COL1A1: variants seen among roughly 807,000 people sequenced by gnomAD.
COL1A1 encodes collagen alpha-1(I) chain.
Under a neutral mutation model 195.7 loss-of-function variants are expected in COL1A1, and 21 were observed. That is an observed-to-expected ratio of 0.11 (90% confidence interval 0.08 to 0.15). COL1A1 has a LOEUF of 0.15. Among genes scored for constraint, COL1A1 ranks in the 10% least tolerant of loss-of-function variants. The probability of loss-of-function intolerance (pLI) is 1.00; values close to 1 mark genes in which losing one functional copy is unlikely to be tolerated. For missense variants in COL1A1, 1,365 were observed against 2,051.0 expected, an observed-to-expected ratio of 0.67 and a Z score of 6.46; for synonymous variants, 749 against 747.3, an observed-to-expected ratio of 1.00 and a Z score of -0.04.
In COL1A1 at chr17:50,188,617, G is replaced by T. The variant is rs776659807; in HGVS notation, c.3120C>A (p.Gly1040=). 3 of 1,613,056 alleles carry T rather than the reference G, an allele frequency of 1.9e-6. No individual in the cohort carries two copies. Among genetic ancestry groups the T allele is most frequent in the Non-Finnish European group, 2.5e-6 (3 of 1,179,718 alleles). The change falls in exon 43 of 51, where the codon GGC becomes GGA. Residue 1040 remains glycine (G), a synonymous_variant. Coordinates refer to ENST00000225964, the MANE Select transcript of COL1A1 (RefSeq NM_000088.4). The surrounding 1 kb of genome is among the most constrained non-coding windows in gnomAD (Gnocchi z 5.6). ...CAGGAGCACCAGGGGGTCCAGCGGG[G>T]CCGGTCTCACCACGGTCACCCTGGC... ...PGAKGDRGET[G]PAGPPGAPGA...
At position 50,186,914 on chromosome 17, in the gene COL1A1, G is replaced by A. The variant is rs146016027; in HGVS notation, c.3540C>T (p.Pro1180=). Residue 1180 remains proline, a synonymous_variant, in exon 48 of 51, where the codon CCC becomes CCT. Transcript: ENST00000225964. This position sits in a 1 kb window ranked among gnomAD's most constrained non-coding sequence, Gnocchi z 5.3. ...RTGDAGPVGP[P]GPPGPPGPPG... is the part of the protein sequence containing the mutation. ...GGGGACCAGGAGGTCCAGGAGGGCC[G>A]GGGGGACCCTGCACAGAGAGGGAAG... 28 of 1,612,918 alleles carry A rather than the reference G, an allele frequency of 1.7e-5. No homozygotes were observed. Among genetic ancestry groups the A allele is most frequent in the African/African-American group, 1.1e-4 (8 of 74,836 alleles).
At position 50,190,257 on chromosome 17, in the gene COL1A1, T is replaced by C; in HGVS notation, c.2451+70A>G. ...CCCCTGAGGATGGCTGACGCCTTTG[T>C]CCTCATTCCGTCCCTCGAGGTCCCA... On this transcript the variant is annotated intron_variant, in intron 35 of 50. Coordinates refer to ENST00000225964, the MANE Select transcript of COL1A1 (RefSeq NM_000088.4). This position sits in a 1 kb window ranked among gnomAD's most constrained non-coding sequence, Gnocchi z 4.7. 1 of 1,324,600 alleles carries C rather than the reference T, an allele frequency of 7.5e-7. No individual in the cohort carries two copies. 82.1% of individuals were successfully genotyped at this position (1,324,600 alleles called of 1,614,324 possible). A position where few individuals can be genotyped will look rare whatever the true frequency, so the allele number is the denominator to read the frequency against.
rs1355988817 is a variant in COL1A1, at chr17:50,189,958, C to G, written c.2559+43G>C. The G allele has an allele frequency of 6.2e-7, 1 of 1,611,048 alleles. No homozygotes were observed. Among genetic ancestry groups the G allele is most frequent in the Admixed American group, 1.7e-5 (1 of 59,634 alleles). ...ATCAAGCCTGGACCCGTCCTGGGTC[C>G]CAGCCCACCAGCCTCGTGGGCACAG... On this transcript the variant is annotated intron_variant, in intron 36 of 50. Coordinates refer to ENST00000225964, the MANE Select transcript of COL1A1 (RefSeq NM_000088.4). The surrounding 1 kb of genome is among the most constrained non-coding windows in gnomAD (Gnocchi z 5.5).
chr17:50,194,572 C>T lies in COL1A1; in HGVS notation c.1515+1G>A, dbSNP rs1357098859. On this transcript the variant is annotated splice_donor_variant, in intron 22 of 50. Transcript: ENST00000225964. LOFTEE classifies it high-confidence loss of function. The surrounding 1 kb of genome is among the most constrained non-coding windows in gnomAD (Gnocchi z 6.8). ...GCCCCCCGGCCGCAAGGAGAGGTTA[C>T]CTTGGGACCAGCAACACCATCTGCG... 6.3e-7 allele frequency: 1 copy of T among 1,589,402 alleles called. No homozygotes were observed. Among genetic ancestry groups the T allele is most frequent in the Non-Finnish European group, 8.6e-7 (1 of 1,167,888 alleles).
In COL1A1 at chr17:50,195,498, G is replaced by A; in HGVS notation, c.1156-20C>T. ...GTTTCCCTGTGGCACAGAGAAAGGA[G>A]TGTCAGCAACAGGCAAGGACTCTGA... On this transcript the variant is annotated intron_variant, in intron 17 of 50. Coordinates refer to ENST00000225964, the MANE Select transcript of COL1A1 (RefSeq NM_000088.4). The surrounding 1 kb of genome is among the most constrained non-coding windows in gnomAD (Gnocchi z 4.3). 1 of 1,614,134 alleles carries A rather than the reference G, an allele frequency of 6.2e-7. No homozygotes were observed. Among genetic ancestry groups the A allele is most frequent in the Non-Finnish European group, 8.5e-7 (1 of 1,179,994 alleles).
Position 50,186,426 on chromosome 17 carries a change from C to T in COL1A1, c.3896G>A (p.Cys1299Tyr). 1 of 1,614,204 alleles carries T rather than the reference C, an allele frequency of 6.2e-7. No individual in the cohort carries two copies. The highest frequency in any genetic ancestry group is 2.2e-5 in the East Asian group (1 of 44,878). ...CACACTGGGCTGAGTGGGGTACACG[C>T]AGGTCTCACCAGTCTCCATGTTGCA... Reference protein sequence around the residue: ...VFCNMETGETCVYPTQPSVAQ... With the variant: ...VFCNMETGETYVYPTQPSVAQ... Residue 1299 changes from cysteine to tyrosine, a missense_variant, in exon 49 of 51, where the codon TGC becomes TAC. Physicochemically the swap from Cys to Tyr is radical, Grantham distance 194. Transcript: ENST00000225964. The surrounding 1 kb of genome is among the most constrained non-coding windows in gnomAD (Gnocchi z 5.3).
intron 5 of COL1A1, 79 bp from the exon 6 acceptor site, chr17:50,198,583 C>T (rs1420065907): frequency 1.8e-6 from 2 of 1,099,632 alleles, no homozygotes; most frequent in Non-Finnish European, 2.7e-6. Flanking sequence ...AAGAAACTGA[C>T]ATCATGCACT....
intron 45 of COL1A1, 114 bp from the exon 46 acceptor site, chr17:50,187,651 G>GA (rs1355907279): frequency 8.3e-7 from 1 of 1,208,550 alleles, no homozygotes; most frequent in East Asian, 2.4e-5. Context: ...CATTATTCTG[G>GA]AAATCTAGCC....
chr17:50,190,801 G>A lies in COL1A1; in HGVS notation c.2343+16C>T. The A allele has an allele frequency of 6.2e-7, 1 of 1,601,914 alleles. No individual in the cohort carries two copies. The highest frequency in any genetic ancestry group is 1.1e-5 in the South Asian group (1 of 90,824). On this transcript the variant is annotated intron_variant, in intron 33 of 50. Transcript: ENST00000225964. The surrounding 1 kb of genome is among the most constrained non-coding windows in gnomAD (Gnocchi z 4.7). ...GCTATGTGTTAGGGCAGAAGGTGGGGAGGCGGCCACCTCACCTTGTCACCA... is the reference window on the plus strand; with the variant it reads ...GCTATGTGTTAGGGCAGAAGGTGGGAAGGCGGCCACCTCACCTTGTCACCA...
chr17:50,194,992 G>A lies in COL1A1; in HGVS notation c.1353+55C>T, dbSNP rs1598296455. The A allele has an allele frequency of 7.6e-6, 12 of 1,578,012 alleles. No homozygotes were observed. The East Asian group carries it at 2.0e-4, about 26-fold the overall frequency. ...CTCTTCCTTTCTGGATTTCCCTCAGGGGGCTCCTAGGGCAGGGTGGGCTGG... is the reference window on the plus strand; with the variant it reads ...CTCTTCCTTTCTGGATTTCCCTCAGAGGGCTCCTAGGGCAGGGTGGGCTGG... On this transcript the variant is annotated intron_variant, in intron 20 of 50. Coordinates refer to ENST00000225964, the MANE Select transcript of COL1A1 (RefSeq NM_000088.4). This position sits in a 1 kb window ranked among gnomAD's most constrained non-coding sequence, Gnocchi z 6.8.
chr17:50,194,821 A>T lies in COL1A1; in HGVS notation c.1361T>A (p.Val454Asp). 2 of 1,569,086 alleles carry T rather than the reference A, an allele frequency of 1.3e-6. No individual in the cohort carries two copies. The highest frequency in any genetic ancestry group is 1.7e-6 in the Non-Finnish European group (2 of 1,156,568). ...DTGAKGEPGP[V>D]GVQGPPGPAG... ...AGGGCCAGGGGGTCCTTGAACACCA[A>T]CAGGGCCCTGGAGAGGGCCGAGAGG... The change falls in exon 21 of 51, where the codon GTT becomes GAT. Residue 454 changes from valine to aspartate, a missense_variant. Val to Asp is a radical substitution (Grantham distance 152). This residue lies in a region of COL1A1 where 671 missense variants were observed against 1,099.9 expected (regional missense o/e 0.61). Coordinates refer to ENST00000225964, the MANE Select transcript of COL1A1 (RefSeq NM_000088.4). The surrounding 1 kb of genome is among the most constrained non-coding windows in gnomAD (Gnocchi z 6.8).
At position 50,189,323 on chromosome 17, in the gene COL1A1, C is replaced by T. The variant is rs768261337; in HGVS notation, c.2830-48G>A. 8 of 1,613,712 alleles carry T rather than the reference C, an allele frequency of 5.0e-6. No homozygotes were observed. The highest frequency in any genetic ancestry group is 6.8e-6 in the Non-Finnish European group (8 of 1,179,850). On this transcript the variant is annotated intron_variant, in intron 39 of 50. Coordinates refer to ENST00000225964, the MANE Select transcript of COL1A1 (RefSeq NM_000088.4). The surrounding 1 kb of genome is among the most constrained non-coding windows in gnomAD (Gnocchi z 5.5). ...AGGTGCCAGAGAGCAGCACAGGGAC[C>T]CCTCCCCAGCTCTGCACACCTCCGG...
chr17:50,185,383 T>G lies in COL1A1; in HGVS notation c.*119A>C. The G allele has an allele frequency of 2.7e-6, 3 of 1,104,396 alleles. No homozygotes were observed. Among genetic ancestry groups the G allele is most frequent in the South Asian group, 1.3e-5 (1 of 78,918 alleles). The allele number at this position is 1,104,396 out of a possible 1,614,324, so 68.4% of individuals were successfully genotyped here. ...GGAAAAAAATATTTTCCAAAGTCCA[T>G]GTGAAATTGTCTCCCATTTTTTGGC... On this transcript the variant is annotated 3_prime_UTR_variant, in exon 51 of 51. Transcript: ENST00000225964.
rs765837515 is a variant in COL1A1, at chr17:50,199,566, G to A, written c.323C>T (p.Thr108Ile). The change falls in exon 3 of 51, where the codon ACC becomes ATC. Residue 108 changes from threonine (T) to isoleucine (I), a missense_variant. Thr to Ile is a moderately conservative substitution (Grantham distance 89). Coordinates refer to ENST00000225964, the MANE Select transcript of COL1A1 (RefSeq NM_000088.4). ...GSESPTDQETTGVEGPKGDTG... is the reference protein window; with the variant it reads ...GSESPTDQETIGVEGPKGDTG... ...AGGGCAGGAGATTACCTCGACGCCG[G>A]TGGTTTCTTGGTCGGTGGGTGACTC... 9 of 1,614,198 alleles carry A rather than the reference G, an allele frequency of 5.6e-6. No individual in the cohort carries two copies. The highest frequency in any genetic ancestry group is 4.5e-5 in the East Asian group (2 of 44,888).
Position 50,197,783 on chromosome 17 carries a change from A to T in COL1A1, c.645T>A (p.Gly215=), listed in dbSNP as rs752177568. Residue 215 remains glycine, a splice_region_variant and synonymous_variant, in exon 9 of 51, where the codon GGT becomes GGA. Coordinates refer to ENST00000225964, the MANE Select transcript of COL1A1 (RefSeq NM_000088.4). ...PGEPGEPGAS[G]PMGPRGPPGP... is the part of the protein sequence containing the mutation. ...CTGGGGGACCTCGGGGACCCATGGG[A>T]CCCTAGAAAAGATAGAAGAGGTGGT... is the stretch of plus-strand genomic sequence containing the variant. The T allele has an allele frequency of 1.9e-6, 3 of 1,609,044 alleles. No homozygotes were observed. The African/African-American group carries it at 4.0e-5, about 22-fold the overall frequency.
chr17:50,189,847 G>T lies in COL1A1; in HGVS notation c.2613+12C>A. 3.1e-6 allele frequency: 5 copies of T among 1,607,814 alleles called. No individual in the cohort carries two copies. Among genetic ancestry groups the T allele is most frequent in the Non-Finnish European group, 4.2e-6 (5 of 1,176,738 alleles). ...AGGGGAGAGGCTCAACAGAGAGGCG[G>T]GTGATACTCACAGGGGGACCAGCGC... is the stretch of plus-strand genomic sequence containing the variant. On this transcript the variant is annotated intron_variant, in intron 37 of 50. Transcript: ENST00000225964. This position sits in a 1 kb window ranked among gnomAD's most constrained non-coding sequence, Gnocchi z 5.5.
At chr17:50,200,729 T>A (rs1323956642) in intron 1 of COL1A1, among the ~76,000 whole-genome samples, 3 of 152,244 alleles carry the variant, frequency 2.0e-5, no homozygotes, top group African/African-American at 7.2e-5. Context: ...CCGGCCCGAC[T>A]ACCTCTTTAA....
chr17:50,199,136 T>C, intron 5 of COL1A1, 90 bp downstream of exon 5: 1 of 1,395,174 alleles, frequency 7.2e-7, no homozygotes, highest in Non-Finnish European at 9.4e-7. Context: ...TCTGTAAGTT[T>C]GAAATTATTT....
chr17:50,191,264 A>T, intron 32 of COL1A1, 119 bp downstream of exon 32: 1 of 974,648 alleles, frequency 1.0e-6, no homozygotes, highest in Non-Finnish European at 1.7e-6. Flanking sequence ...AAAGGGGAAG[A>T]AGGGAGGATT....
Sources: gnomAD v4.1 joint callset for allele counts (sites outside exome capture counted in the v4.1 genomes callset) on GRCh38, gnomAD v4.1.1 for gene constraint, gnomAD v4.1.1 regional missense constraint, Gnocchi (gnomAD v3.1) non-coding constraint, MANE v1.5 for transcripts, NCBI Gene and HGNC (gene_info 2026-07-23, HGNC 2026-07-21) for gene names.